The following DOCK10 variants were observed in gnomAD, a reference collection of about 807,000 sequenced individuals.
DOCK10 encodes dedicator of cytokinesis 10.
Under a neutral mutation model 280.1 loss-of-function variants are expected in DOCK10, and 145 were observed. The observed-to-expected ratio is 0.52, with a 90% confidence interval of 0.45 to 0.59. The LOEUF (loss-of-function observed/expected upper bound fraction) is 0.59, where lower values mean the gene tolerates loss of function less well. DOCK10 is among the 20% of genes least tolerant of loss of function. DOCK10 has a pLI of 0.00. For synonymous variants in DOCK10, 915 were observed against 942.2 expected (o/e 0.97, Z 0.53); for missense variants, 2,368 against 2,651.7 (o/e 0.89, Z 2.35).
At chr2:224,801,096 C>T (rs901500947) in intron 40 of DOCK10, among the ~76,000 whole-genome samples, 23 of 151,860 alleles carry the variant, frequency 1.5e-4, no homozygotes, top group African/African-American at 4.4e-4. Flanking sequence ...TAGATGAAGC[C>T]TCCAGATGGC....
chr2:224,794,990 C>T lies in DOCK10; in HGVS notation c.5043G>A (p.Leu1681=), dbSNP rs1292373614. 2 of 1,613,794 alleles carry T rather than the reference C, an allele frequency of 1.2e-6. No individual in the cohort carries two copies. The highest frequency in any genetic ancestry group is 1.7e-6 in the Non-Finnish European group (2 of 1,179,840). The change falls in exon 45 of 56, where the codon CTG becomes CTA. Residue 1681 remains leucine (L), a synonymous_variant. Transcript: ENST00000258390. The stretch of plus-strand genomic sequence containing the variant: ...TTGCCAGGCTGTACTGGAGATCCAC[C>T]AGCATCTCGGGGTCCTTCTCGTGCT... The part of the protein sequence containing the change: ...MKEHEKDPEM[L]VDLQYSLANS...
At chr2:224,904,573 A>G (rs570915329) in intron 3 of DOCK10, among the ~76,000 whole-genome samples, 1 of 152,300 alleles carries the variant, frequency 6.6e-6, no homozygotes, top group South Asian at 2.1e-4. Flanking sequence ...AGTTAAATAC[A>G]TATGAGTCAT....
At chr2:224,956,726 C>A (rs1704066004) in intron 1 of DOCK10, among the ~76,000 whole-genome samples, 1 of 151,852 alleles carries the variant, frequency 6.6e-6, no homozygotes, top group Non-Finnish European at 1.5e-5. Flanking sequence ...AGCTGGTTCA[C>A]CTAATAGTTT....
intron 14 of DOCK10, chr2:224,862,048 A>T (rs1320137271): frequency 6.6e-6 from 1 of 152,322 alleles, no homozygotes; most frequent in South Asian, 2.1e-4. Flanking sequence ...ATGATTAAAC[A>T]GTTCTGAAAA....
chr2:224,951,022 A>C (rs1703697346), intron 1 of DOCK10, among the ~76,000 whole-genome samples: 1 of 152,218 alleles, frequency 6.6e-6, no homozygotes. Context: ...ATGTCTAAAA[A>C]GATTCAGTGT....
chr2:224,787,288 T>A lies in DOCK10; in HGVS notation c.5528A>T (p.Gln1843Leu). 1 of 1,613,998 alleles carries A rather than the reference T, an allele frequency of 6.2e-7. No individual in the cohort carries two copies. The highest frequency in any genetic ancestry group is 8.5e-7 in the Non-Finnish European group (1 of 1,179,870). The change falls in exon 49 of 56, where the codon CAA (glutamine) becomes CTA (leucine). Residue 1843 changes from glutamine to leucine, a missense_variant. Transcript: ENST00000258390. The part of the protein sequence containing the change: ...NKPIIAVFEK[Q>L]RDFKKLSDLY... ...TGGAATACATACTTTGAAGTCTCGT[T>A]GTTTCTCAAAGACAGCAATGATGGG... is the stretch of plus-strand genomic sequence containing the variant.
At chr2:224,852,613 G>A (rs1458666881) in intron 17 of DOCK10, among the ~76,000 whole-genome samples, 171 bp from the exon 18 acceptor site, 1 of 152,130 alleles carries the variant, frequency 6.6e-6, no homozygotes, top group Non-Finnish European at 1.5e-5. Context: ...TCTGGAGAGT[G>A]TACTTAAAAG....
intron 1 of DOCK10, among the ~76,000 whole-genome samples, chr2:224,934,620 A>G (rs1342041249): frequency 2.6e-5 from 4 of 152,214 alleles, no homozygotes; most frequent in Non-Finnish European, 4.4e-5. Flanking sequence ...AAATGTAAAG[A>G]GACAGATGTA....
intron 1 of DOCK10, among the ~76,000 whole-genome samples, chr2:224,975,494 C>G (rs527500955): frequency 2.1e-4 from 32 of 152,252 alleles, no homozygotes; most frequent in African/African-American, 7.7e-4. Context: ...TTTAGAGATT[C>G]TGGAAATTGT....
At chr2:224,796,233 T>G (rs2125136805) in intron 44 of DOCK10, 83 bp downstream of exon 44, 1 of 897,414 alleles carries the variant, frequency 1.1e-6, no homozygotes, top group Non-Finnish European at 1.8e-6. Context: ...CCAATCTATT[T>G]TTATGATTTT....
chr2:224,769,287 A>G (rs1690262764), intron 55 of DOCK10, among the ~76,000 whole-genome samples: 1 of 152,258 alleles, frequency 6.6e-6, no homozygotes, highest in Admixed American at 6.5e-5. Flanking sequence ...GGAAAAACCG[A>G]AAAGAAGCAA....
chr2:224,857,858 G>A (rs1574948475), intron 14 of DOCK10, among the ~76,000 whole-genome samples: 1 of 152,054 alleles, frequency 6.6e-6, no homozygotes, highest in East Asian at 1.9e-4. Flanking sequence ...TCATTGCACA[G>A]GCTGAAATGG....
intron 1 of DOCK10, among the ~76,000 whole-genome samples, chr2:225,035,542 T>TTA (rs57424275): frequency 0.021 from 1,038 of 49,772 alleles, 30 homozygotes; most frequent in Admixed American, 0.024. Flanking sequence ...ATGATATATA[T>TTA]TATATATATA....
chr2:224,793,130 T>C (rs1692318679), intron 46 of DOCK10, 58 bp from the exon 47 acceptor site: 2 of 1,272,382 alleles, frequency 1.6e-6, no homozygotes, highest in South Asian at 2.5e-5. Flanking sequence ...AATACAAGCT[T>C]TAGAGACTAC....
chr2:224,889,127 C>T (rs1359003851), intron 4 of DOCK10, among the ~76,000 whole-genome samples: 1 of 152,180 alleles, frequency 6.6e-6, no homozygotes, highest in East Asian at 1.9e-4. Context: ...CTGAATCTGA[C>T]TATTGAGAAA....
At position 224,873,999 on chromosome 2, in the gene DOCK10, C is replaced by A; in HGVS notation, c.1254G>T (p.Thr418=). 1 of 1,609,642 alleles carries A rather than the reference C, an allele frequency of 6.2e-7. No homozygotes were observed. Among genetic ancestry groups the A allele is most frequent in the Non-Finnish European group, 8.5e-7 (1 of 1,178,760 alleles). Residue 418 remains threonine, a synonymous_variant, in exon 11 of 56, where the codon ACG becomes ACT. Coordinates refer to ENST00000258390, the MANE Select transcript of DOCK10 (RefSeq NM_014689.3). ...CVTENENDPI[T]NIEPFFVSVA... ...ATGTAACAGAGGAGAAACTTACATT[C>A]GTTATCGGATCATTTTCATTCTCCG...
intron 38 of DOCK10, 120 bp downstream of exon 38, chr2:224,804,674 C>T (rs1693265669): frequency 1.4e-6 from 1 of 708,426 alleles, no homozygotes; most frequent in African/African-American, 1.9e-5. Context: ...GTCAACCTAA[C>T]AATCCTTATT....
chr2:224,976,682 TA>T lies in DOCK10; in HGVS notation c.124-45015del, dbSNP rs34819325. ...ATACGCTGTAGAGGTCAAAGTTAAT[TA>T]AAAAAAAAAAAAAAAAGGTTCCTTT... On this transcript the variant is annotated intron_variant, in intron 1 of 55. Transcript: ENST00000258390. 9.2e-3 allele frequency among the ~76,000 whole-genome samples: 1,197 copies of T among 130,166 alleles called. 4 individuals carry two copies. Among genetic ancestry groups the T allele is most frequent in the Admixed American group, 0.012 (161 of 12,964 alleles). 85.4% of individuals were successfully genotyped at this position (130,166 alleles called of 152,430 possible). A position where few individuals can be genotyped will look rare whatever the true frequency, so the allele number is the denominator to read the frequency against.
At chr2:224,825,153 A>AT (rs1694764723) in intron 27 of DOCK10, among the ~76,000 whole-genome samples, 1 of 151,158 alleles carries the variant, frequency 6.6e-6, no homozygotes, top group Non-Finnish European at 1.5e-5. Context: ...TAATTTTTGT[A>AT]TTTTTTAGTA....
Sources: gnomAD v4.1 joint callset for allele counts (sites outside exome capture counted in the v4.1 genomes callset) on GRCh38, gnomAD v4.1.1 for gene constraint, MANE v1.5 for transcripts, NCBI Gene and HGNC (gene_info 2026-07-23, HGNC 2026-07-21) for gene names.